Variants in MYT1L observed in about 807,000 individuals in gnomAD.
MYT1L encodes myelin transcription factor 1 like.
MYT1L carries 12 observed loss-of-function variants against 126.7 expected under a neutral mutation model. The ratio of observed to expected loss-of-function variants is 0.09; its 90% CI spans 0.06 to 0.15. The LOEUF is 0.15. MYT1L is among the 10% of genes least tolerant of loss of function. The pLI, the probability that MYT1L is intolerant of heterozygous loss-of-function variation, is 1.00. For synonymous variants in MYT1L, 541 were observed against 604.2 expected (o/e 0.90, Z 1.53); for missense variants, 979 against 1,585.2 (o/e 0.62, Z 6.49).
chr2:1,919,201 C>T (rs2053241193), intron 10 of MYT1L, among the ~76,000 whole-genome samples: 1 of 152,170 alleles, frequency 6.6e-6, no homozygotes, highest in Non-Finnish European at 1.5e-5. Context: ...AATGTGGCTC[C>T]AAAGCATTTT....
intron 22 of MYT1L, among the ~76,000 whole-genome samples, chr2:1,807,811 C>A (rs2035951874): frequency 6.6e-6 from 1 of 152,122 alleles, no homozygotes; most frequent in Non-Finnish European, 1.5e-5. Flanking sequence ...GTCAATCGAT[C>A]AATAAAAAAC....
At chr2:1,906,695 T>C (rs1401637256) in intron 13 of MYT1L, among the ~76,000 whole-genome samples, 1 of 152,182 alleles carries the variant, frequency 6.6e-6, no homozygotes, top group Non-Finnish European at 1.5e-5. Context: ...TAAAATCATG[T>C]AATAATTGAC....
chr2:2,097,706 A>T lies in MYT1L; in HGVS notation c.-303-43583T>A, dbSNP rs536319683. Among the ~76,000 whole-genome samples, 3 of 152,290 alleles carry T rather than the reference A, an allele frequency of 2.0e-5. No homozygotes were observed. The South Asian group carries it at 6.2e-4, about 32-fold the overall frequency. ...AGGAGGGCAAGGATGTGAGGGGAGCATCCTGGCTGCACAGTGTCATGGTTG... is the reference window on the plus strand; with the variant it reads ...AGGAGGGCAAGGATGTGAGGGGAGCTTCCTGGCTGCACAGTGTCATGGTTG... On this transcript the variant is annotated intron_variant, in intron 3 of 24. Coordinates refer to ENST00000647738, the MANE Select transcript of MYT1L (RefSeq NM_001303052.2).
At chr2:2,030,414 T>C (rs1213077241) in intron 4 of MYT1L, among the ~76,000 whole-genome samples, 1 of 152,184 alleles carries the variant, frequency 6.6e-6, no homozygotes, top group Admixed American at 6.5e-5. Flanking sequence ...AAATTTAGAT[T>C]CCTGTTTTGT....
intron 5 of MYT1L, among the ~76,000 whole-genome samples, chr2:1,994,265 G>A (rs966391507): frequency 6.6e-6 from 1 of 151,368 alleles, no homozygotes; most frequent in East Asian, 1.9e-4. Context: ...CCCTGGTTCA[G>A]GCCCTGCTCC....
intron 1 of MYT1L, among the ~76,000 whole-genome samples, chr2:2,293,212 C>G (rs552711626): frequency 2.6e-5 from 4 of 152,134 alleles, no homozygotes; most frequent in Non-Finnish European, 4.4e-5. Flanking sequence ...CTGTGTCCAT[C>G]TTCTATGTAA....
At chr2:2,009,066 T>C (rs2063580430) in intron 4 of MYT1L, among the ~76,000 whole-genome samples, 2 of 152,192 alleles carry the variant, frequency 1.3e-5, no homozygotes, top group South Asian at 2.1e-4. Context: ...GCCAGTATCA[T>C]ACTGCTTTAA....
intron 1 of MYT1L, among the ~76,000 whole-genome samples, chr2:2,329,715 T>TCA (rs1157809056): frequency 6.6e-6 from 1 of 152,006 alleles, no homozygotes; most frequent in African/African-American, 2.4e-5. Context: ...TAAAGTACCA[T>TCA]CACACACACA....
chr2:1,921,905 A>G (rs1485850162), intron 10 of MYT1L, among the ~76,000 whole-genome samples: 1 of 152,162 alleles, frequency 6.6e-6, no homozygotes, highest in Non-Finnish European at 1.5e-5. Flanking sequence ...TCTCGGATTG[A>G]CTAATTGTTA....
At chr2:1,973,744 A>G (rs1177338785) in intron 8 of MYT1L, among the ~76,000 whole-genome samples, 2 of 152,208 alleles carry the variant, frequency 1.3e-5, no homozygotes, top group Non-Finnish European at 2.9e-5. Flanking sequence ...GGATGCTGCC[A>G]GGAAATGCTG....
At chr2:2,030,888 G>A (rs936170453) in intron 4 of MYT1L, among the ~76,000 whole-genome samples, 23 of 152,132 alleles carry the variant, frequency 1.5e-4, no homozygotes, top group African/African-American at 5.3e-4. Flanking sequence ...CAGTCTAATT[G>A]TTTTTCACTT....
chr2:2,307,913 TCTATACTCCAC>T (rs1176091771), intron 1 of MYT1L, among the ~76,000 whole-genome samples: 1 of 149,466 alleles, frequency 6.7e-6, no homozygotes, highest in Non-Finnish European at 1.5e-5. Context: ...GTACACTCTA[TCTATACTCCAC>T]CTATACTTCA....
chr2:2,128,267 C>T (rs1269391292), intron 3 of MYT1L, among the ~76,000 whole-genome samples: 1 of 152,170 alleles, frequency 6.6e-6, no homozygotes, highest in Non-Finnish European at 1.5e-5. Flanking sequence ...CTGCCTCAGC[C>T]TCCCGAATAG....
intron 2 of MYT1L, among the ~76,000 whole-genome samples, chr2:2,177,200 T>A (rs539200273): frequency 6.6e-6 from 1 of 152,340 alleles, no homozygotes; most frequent in East Asian, 1.9e-4. Flanking sequence ...GCAGTGTGAA[T>A]GAAAATTTTC....
intron 8 of MYT1L, among the ~76,000 whole-genome samples, chr2:1,972,985 A>C (rs189058689): frequency 1.3e-5 from 2 of 152,246 alleles, no homozygotes; most frequent in Non-Finnish European, 2.9e-5. Flanking sequence ...CTCTGATGCT[A>C]AATTGCAGGG....
chr2:1,868,669 G>GC (rs559322153), intron 18 of MYT1L, among the ~76,000 whole-genome samples: 3 of 152,200 alleles, frequency 2.0e-5, no homozygotes, highest in Admixed American at 2.0e-4. Flanking sequence ...CCTTCTCTGT[G>GC]CCCCCCTTCT....
intron 3 of MYT1L, among the ~76,000 whole-genome samples, chr2:2,122,868 T>TGAGA (rs1180148782): frequency 1.5e-4 from 22 of 143,494 alleles, no homozygotes; most frequent in African/African-American, 5.8e-4. Flanking sequence ...TGTGTGTGTG[T>TGAGA]GTGTGAGAGA....
intron 3 of MYT1L, among the ~76,000 whole-genome samples, chr2:2,069,506 A>G (rs1257581730): frequency 1.3e-5 from 2 of 152,076 alleles, no homozygotes; most frequent in African/African-American, 4.8e-5. Context: ...AGTCTTTGCT[A>G]TTGTGAACAG....
At chr2:2,278,537 AC>A (rs1373218768) in intron 2 of MYT1L, among the ~76,000 whole-genome samples, 3 of 152,208 alleles carry the variant, frequency 2.0e-5, no homozygotes, top group Non-Finnish European at 4.4e-5. Flanking sequence ...CCATTTGATA[AC>A]CATTTCTATA....
Sources: allele counts gnomAD v4.1 joint callset (sites outside exome capture counted in the v4.1 genomes callset), GRCh38; gene constraint gnomAD v4.1.1; transcripts MANE v1.5; gene names NCBI Gene and HGNC (gene_info 2026-07-23, HGNC 2026-07-21).